Variants in SEL1L3 observed in about 807,000 individuals in gnomAD.
SEL1L3 encodes the protein protein sel-1 homolog 3.
A neutral mutation model predicts 142.8 loss-of-function variants in SEL1L3; 76 were observed. That is an observed-to-expected ratio of 0.53 (90% CI 0.44 to 0.64). The LOEUF (loss-of-function observed/expected upper bound fraction) is 0.64, where lower values mean the gene tolerates loss of function less well. Among genes scored for constraint, SEL1L3 ranks in the 30% least tolerant of loss-of-function variants. SEL1L3 has a pLI of 0.00. For missense variants in SEL1L3, 1,262 were observed against 1,381.7 expected, an observed-to-expected ratio of 0.91 and a Z score of 1.37; for synonymous variants, 504 against 519.6, an observed-to-expected ratio of 0.97 and a Z score of 0.41.
chr4:25,747,686 C>T lies in SEL1L3; in HGVS notation c.*739G>A, dbSNP rs11838. The T allele has an allele frequency of 6.4e-3, 974 of 152,498 alleles. 6 individuals carry two copies. The highest frequency in any genetic ancestry group is 0.01 in the Non-Finnish European group (697 of 68,052). 9.4% of individuals were successfully genotyped at this position (152,498 alleles called of 1,614,324 possible). ...GGCTTACTTGCTGCATATTCCGTTGCTGCCAGTCTATTCTAACGTGTAATT... is the reference window on the plus strand; with the variant it reads ...GGCTTACTTGCTGCATATTCCGTTGTTGCCAGTCTATTCTAACGTGTAATT... On this transcript the variant is annotated 3_prime_UTR_variant, in exon 24 of 24. Coordinates refer to ENST00000399878, the MANE Select transcript of SEL1L3 (RefSeq NM_015187.5).
chr4:25,810,107 C>T (rs1713917280), intron 9 of SEL1L3, among the ~76,000 whole-genome samples: 1 of 152,232 alleles, frequency 6.6e-6, no homozygotes, highest in East Asian at 1.9e-4. Flanking sequence ...AACCTTGGAC[C>T]TGGCCCCATC....
the SEL1L3 span, among the ~76,000 whole-genome samples, chr4:25,733,523 CTT>C: frequency 3.2e-4 from 39 of 121,928 alleles, no homozygotes; most frequent in Admixed American, 1.3e-3. Context: ...TATTCCTTAG[CTT>C]TTTTTTTTTT....
intron 8 of SEL1L3, among the ~76,000 whole-genome samples, chr4:25,818,805 T>C (rs1714565563): frequency 6.6e-6 from 1 of 152,218 alleles, no homozygotes; most frequent in South Asian, 2.1e-4. Flanking sequence ...TTCCGGATGA[T>C]TCAGCAGTGA....
intron 23 of SEL1L3, among the ~76,000 whole-genome samples, chr4:25,752,012 G>A (rs546393322): frequency 6.6e-6 from 1 of 151,604 alleles, no homozygotes; most frequent in South Asian, 2.1e-4. Context: ...AGGAGGCTGA[G>A]GCAGGAGAAT....
At chr4:25,836,477 TCTCTACTAAAAATAC>T (rs1715825679) in intron 2 of SEL1L3, among the ~76,000 whole-genome samples, 1 of 151,692 alleles carries the variant, frequency 6.6e-6, no homozygotes, top group African/African-American at 2.4e-5. Flanking sequence ...TGAAACCCCA[TCTCTACTAAAAATAC>T]AAAAAAAAAA....
At chr4:25,786,418 A>T (rs1392648869) in intron 13 of SEL1L3, among the ~76,000 whole-genome samples, 2 of 152,146 alleles carry the variant, frequency 1.3e-5, no homozygotes, top group East Asian at 1.9e-4. Context: ...CTCTGCAAAA[A>T]AGTCTTACGG....
At chr4:25,809,088 A>C (rs1471669971) in intron 9 of SEL1L3, among the ~76,000 whole-genome samples, 1 of 149,742 alleles carries the variant, frequency 6.7e-6, no homozygotes, top group Admixed American at 6.6e-5. Context: ...AAAAAAAAAA[A>C]GCCTATTTGT....
chr4:25,731,837 C>T, the SEL1L3 span, among the ~76,000 whole-genome samples: 1 of 152,094 alleles, frequency 6.6e-6, no homozygotes, highest in South Asian at 2.1e-4. Flanking sequence ...CTTTGGGAGG[C>T]CGAGACAGGT....
intron 2 of SEL1L3, among the ~76,000 whole-genome samples, chr4:25,839,146 T>C (rs1207112290): frequency 2.0e-5 from 3 of 152,176 alleles, no homozygotes. Flanking sequence ...ACACAGGACA[T>C]TCAAAAGCCA....
At chr4:25,770,131 A>C (rs182039105) in intron 17 of SEL1L3, 1 of 152,328 alleles carries the variant, frequency 6.6e-6, no homozygotes, top group East Asian at 1.9e-4. Context: ...CTGTCTCTAA[A>C]AAAAAAGAAT....
chr4:25,839,123 T>C (rs770690610), intron 2 of SEL1L3, among the ~76,000 whole-genome samples: 8 of 152,224 alleles, frequency 5.3e-5, no homozygotes, highest in Non-Finnish European at 1.2e-4. Context: ...GGCAGCTCAA[T>C]AATGCTTTCC....
At position 25,862,721 on chromosome 4, in the gene SEL1L3, C is replaced by A; in HGVS notation, c.116G>T (p.Gly39Val). Residue 39 changes from glycine to valine, a missense_variant, in exon 1 of 24, where the codon GGC (glycine) becomes GTC (valine). Around this residue, in one of 3 missense-constraint regions of SEL1L3, gnomAD observed 689 missense variants for 692.8 expected, o/e 0.99. Coordinates refer to ENST00000399878, the MANE Select transcript of SEL1L3 (RefSeq NM_015187.5). ...CGCGCAGGCAGAGCGGCCGCCGAGG[C>A]CCTGGGGGACGCCGCCACTCGGGAC... The part of the protein sequence containing the change: ...AMVPSGGVPQ[G>V]LGGRSACALL... The A allele has an allele frequency of 7.8e-7, 1 of 1,285,116 alleles. No homozygotes were observed. The highest frequency in any genetic ancestry group is 2.4e-5 in the South Asian group (1 of 41,624). 79.6% of individuals were successfully genotyped at this position (1,285,116 alleles called of 1,614,324 possible).
In SEL1L3 at chr4:25,752,417, C is replaced by CG. The variant is rs1222261611; in HGVS notation, c.3260-3854dup. ...GGGCAATAGGGTGAGACTCCATCTC[C>CG]GAAAAAAAAAAAAAAAAAAAAGTTG... On this transcript the variant is annotated intron_variant, in intron 23 of 23. Coordinates refer to ENST00000399878, the MANE Select transcript of SEL1L3 (RefSeq NM_015187.5). Among the ~76,000 whole-genome samples the CG allele has an allele frequency of 3.1e-3, 262 of 84,394 alleles. 1 individual carries two copies. Among genetic ancestry groups the CG allele is most frequent in the African/African-American group, 0.013 (238 of 17,802 alleles). 55.4% of individuals were successfully genotyped at this position (84,394 alleles called of 152,430 possible). A position where few individuals can be genotyped will look rare whatever the true frequency, so the allele number is the denominator to read the frequency against.
intron 2 of SEL1L3, among the ~76,000 whole-genome samples, chr4:25,839,890 C>T (rs755597771): frequency 3.9e-5 from 6 of 152,310 alleles, no homozygotes; most frequent in East Asian, 1.9e-4. Flanking sequence ...TCCCCACCCT[C>T]GGCCTCCAAG....
chr4:25,758,206 C>CA (rs2109121817), intron 21 of SEL1L3, among the ~76,000 whole-genome samples: 1 of 152,314 alleles, frequency 6.6e-6, no homozygotes, highest in East Asian at 1.9e-4. Context: ...CATGGTGGCT[C>CA]ACACCCGTAA....
chr4:25,731,903 T>C, the SEL1L3 span, among the ~76,000 whole-genome samples: 8 of 152,096 alleles, frequency 5.3e-5, no homozygotes, highest in African/African-American at 4.8e-5. Flanking sequence ...CGAAAACCCA[T>C]CTCTACTAAA....
intron 23 of SEL1L3, among the ~76,000 whole-genome samples, chr4:25,751,325 G>A (rs1195373589): frequency 1.3e-5 from 2 of 152,146 alleles, no homozygotes; most frequent in Admixed American, 1.3e-4. Flanking sequence ...ACCCTTGGGT[G>A]CCCCATCAGC....
At chr4:25,802,535 G>T in intron 10 of SEL1L3, 73 bp from the exon 11 acceptor site, 1 of 1,286,454 alleles carries the variant, frequency 7.8e-7, no homozygotes, top group Non-Finnish European at 1.1e-6. Flanking sequence ...CTGAAAGGTT[G>T]TCAGGCCCAA....
At chr4:25,756,042 A>T in intron 23 of SEL1L3, 1 of 985,442 alleles carries the variant, frequency 1.0e-6, no homozygotes, top group Non-Finnish European at 1.2e-6. Context: ...GAGAGAAATG[A>T]TTTCGCATTA....
Sources: gnomAD v4.1 joint callset for allele counts (sites outside exome capture counted in the v4.1 genomes callset) on GRCh38, gnomAD v4.1.1 for gene constraint, gnomAD v4.1.1 regional missense constraint, MANE v1.5 for transcripts, NCBI Gene and HGNC (gene_info 2026-07-23, HGNC 2026-07-21) for gene names.